IPO8: variants seen among roughly 807,000 people sequenced by gnomAD.
IPO8 encodes importin-8.
IPO8 carries 65 observed loss-of-function variants against 141.2 expected under a neutral mutation model. That is an observed-to-expected ratio of 0.46 (90% confidence interval 0.38 to 0.57). The LOEUF is 0.57. IPO8 is among the 20% of genes least tolerant of loss of function. The probability of loss-of-function intolerance (pLI) is 0.00; values close to 1 mark genes in which losing one functional copy is unlikely to be tolerated. For synonymous variants in IPO8, 411 were observed against 420.3 expected (o/e 0.98, Z 0.27); for missense variants, 980 against 1,246.8 (o/e 0.79, Z 3.22).
At chr12:30,683,955 G>T (rs1242884148) in intron 3 of IPO8, among the ~76,000 whole-genome samples, 1 of 152,076 alleles carries the variant, frequency 6.6e-6, no homozygotes, top group Non-Finnish European at 1.5e-5. Context: ...CTGTATCAAA[G>T]AAAAGAAAAG....
Position 30,652,220 on chromosome 12 carries a change from A to G in IPO8, c.2144T>C (p.Leu715Ser), listed in dbSNP as rs2136139843. 1.9e-6 allele frequency: 3 copies of G among 1,592,634 alleles called. No individual in the cohort carries two copies. In the East Asian group the frequency reaches 6.7e-5, roughly 36 times the overall value. The change falls in exon 19 of 25, where the codon TTA becomes TCA. Residue 715 changes from leucine (L) to serine (S), a missense_variant. Around this residue, in one of 3 missense-constraint regions of IPO8, gnomAD observed 924 missense variants for 1,153.9 expected, o/e 0.80. Transcript: ENST00000256079. ...CCTACACATTGTAAAAAGAATTTCT[A>G]AATGTTTTGCATTTGATAGTAAGGT... ...TDTLLSNAKH[L>S]EILFTMCRKV...
chr12:30,652,528 C>G (rs1439152896), intron 18 of IPO8, among the ~76,000 whole-genome samples: 2 of 152,022 alleles, frequency 1.3e-5, no homozygotes, highest in East Asian at 3.8e-4. Flanking sequence ...CCTTTCTCCA[C>G]TGCACACTCA....
At chr12:30,648,571 A>G (rs960766371) in intron 20 of IPO8, among the ~76,000 whole-genome samples, 1 of 152,260 alleles carries the variant, frequency 6.6e-6, no homozygotes, top group African/African-American at 2.4e-5. Flanking sequence ...CAAAACTATT[A>G]TAAGAAATAC....
At chr12:30,694,951 A>G in intron 1 of IPO8, 1 of 455,754 alleles carries the variant, frequency 2.2e-6, no homozygotes. Context: ...TTTAGCATTC[A>G]TAAGAAATTT....
intron 16 of IPO8, among the ~76,000 whole-genome samples, chr12:30,659,205 G>A (rs2136146580): frequency 6.6e-6 from 1 of 152,140 alleles, no homozygotes; most frequent in East Asian, 2.0e-4. Flanking sequence ...TAAGAACCAA[G>A]TCAGCCGGGC....
At chr12:30,641,679 T>C (rs576818704) in intron 20 of IPO8, among the ~76,000 whole-genome samples, 1 of 152,132 alleles carries the variant, frequency 6.6e-6, no homozygotes, top group East Asian at 1.9e-4. Context: ...TGCTAGTGGA[T>C]GAACATATCT....
chr12:30,631,791 A>C, intron 24 of IPO8, 104 bp downstream of exon 24: 1 of 689,152 alleles, frequency 1.5e-6, no homozygotes, highest in Non-Finnish European at 2.6e-6. Flanking sequence ...GTAAGTCTCT[A>C]ACAATTTCAA....
chr12:30,680,355 AT>A (rs2053175969), intron 5 of IPO8, 126 bp downstream of exon 5: 4 of 677,480 alleles, frequency 5.9e-6, no homozygotes. Flanking sequence ...CCTCATAAGC[AT>A]TTTTTAAAGA....
chr12:30,665,379 G>A, intron 12 of IPO8, 70 bp from the exon 13 acceptor site: 1 of 883,808 alleles, frequency 1.1e-6, no homozygotes, highest in Non-Finnish European at 1.9e-6. Flanking sequence ...AATCAAGTGT[G>A]TTTACTATGA....
At chr12:30,669,417 C>T (rs754624952) in intron 9 of IPO8, 135 bp from the exon 10 acceptor site, 29 of 480,856 alleles carry the variant, frequency 6.0e-5, no homozygotes, top group Non-Finnish European at 8.7e-5. Context: ...AATGTCAAGT[C>T]GAGGTTATAT....
At chr12:30,635,219 T>TTTTTGTTTTG (rs143796510) in intron 22 of IPO8, among the ~76,000 whole-genome samples, 1 of 151,902 alleles carries the variant, frequency 6.6e-6, no homozygotes, top group Non-Finnish European at 1.5e-5. Flanking sequence ...AAGAATTAGG[T>TTTTTGTTTTG]TTTTGTTTTG....
chr12:30,664,585 G>T (rs1446287069), intron 13 of IPO8, among the ~76,000 whole-genome samples: 1 of 152,006 alleles, frequency 6.6e-6, no homozygotes, highest in East Asian at 1.9e-4. Context: ...TAGCCAATCT[G>T]GAATTTCATG....
chr12:30,657,054 A>C (rs905569685), intron 16 of IPO8, among the ~76,000 whole-genome samples: 4 of 152,256 alleles, frequency 2.6e-5, no homozygotes, highest in African/African-American at 9.6e-5. Context: ...TAGAATAAAA[A>C]GAATTATTGT....
Position 30,695,139 on chromosome 12 carries a change from A to G in IPO8, c.84+425T>C. ...GGAGGCGGTGGGCAGCGTGCTCCAC[A>G]GCAACACCTAAAAAGGGCTGGGTTT... On this transcript the variant is annotated intron_variant, in intron 1 of 24. Coordinates refer to ENST00000256079, the MANE Select transcript of IPO8 (RefSeq NM_006390.4). This position sits in a 1 kb window ranked among gnomAD's most constrained non-coding sequence, Gnocchi z 4.2. The G allele has an allele frequency of 2.5e-6, 1 of 405,688 alleles. No individual in the cohort carries two copies. The highest frequency in any genetic ancestry group is 1.8e-5 in the South Asian group (1 of 55,412). The allele number at this position is 405,688 out of a possible 1,614,324, so 25.1% of individuals were successfully genotyped here.
At chr12:30,636,768 C>T (rs1014668567) in intron 22 of IPO8, among the ~76,000 whole-genome samples, 3 of 151,908 alleles carry the variant, frequency 2.0e-5, no homozygotes, top group Admixed American at 6.6e-5. Flanking sequence ...AAAAAAACCG[C>T]TGAGTATATT....
intron 10 of IPO8, among the ~76,000 whole-genome samples, chr12:30,667,539 C>G (rs1310347193): frequency 6.6e-6 from 1 of 152,086 alleles, no homozygotes; most frequent in Non-Finnish European, 1.5e-5. Context: ...ATTGCAAGTG[C>G]CAAACATATA....
At chr12:30,690,434 A>C in intron 2 of IPO8, 62 bp downstream of exon 2, 1 of 952,288 alleles carries the variant, frequency 1.1e-6, no homozygotes, top group Admixed American at 2.4e-5. Flanking sequence ...TAAAATTAAA[A>C]TAAAACTCTC....
chr12:30,684,556 TG>T, intron 2 of IPO8, 99 bp from the exon 3 acceptor site: 1 of 1,162,646 alleles, frequency 8.6e-7, no homozygotes, highest in Non-Finnish European at 1.2e-6. Context: ...ATGTTAAACA[TG>T]AAACCCAGCA....
intron 16 of IPO8, among the ~76,000 whole-genome samples, chr12:30,659,669 G>A (rs1464509566): frequency 2.0e-5 from 3 of 151,192 alleles, no homozygotes; most frequent in Non-Finnish European, 2.9e-5. Flanking sequence ...GGCTAACAAG[G>A]TGAAACCCCG....
Sources: gnomAD v4.1 joint callset for allele counts (sites outside exome capture counted in the v4.1 genomes callset) on GRCh38, gnomAD v4.1.1 for gene constraint, gnomAD v4.1.1 regional missense constraint, Gnocchi (gnomAD v3.1) non-coding constraint, MANE v1.5 for transcripts, NCBI Gene and HGNC (gene_info 2026-07-23, HGNC 2026-07-21) for gene names.